The following FAHD2A variants were observed in gnomAD, a reference collection of about 807,000 sequenced individuals.
FAHD2A encodes fumarylacetoacetate hydrolase domain containing 2A.
Under a neutral mutation model 33.4 loss-of-function variants are expected in FAHD2A, and 27 were observed. That is an observed-to-expected ratio of 0.81 (90% confidence interval 0.60 to 1.11). The LOEUF (loss-of-function observed/expected upper bound fraction) is 1.11. FAHD2A is among the 50% of genes most tolerant of loss of function. The probability of loss-of-function intolerance (pLI) is 0.00; values close to 1 mark genes in which losing one functional copy is unlikely to be tolerated. For missense variants in FAHD2A, 296 were observed against 395.0 expected, an observed-to-expected ratio of 0.75 and a Z score of 2.12; for synonymous variants, 130 against 153.3, an observed-to-expected ratio of 0.85 and a Z score of 1.12.
At chr2:95,406,739 A>G (rs1008386341) in intron 2 of FAHD2A, among the ~76,000 whole-genome samples, 1 of 152,186 alleles carries the variant, frequency 6.6e-6, no homozygotes, top group Non-Finnish European at 1.5e-5. Flanking sequence ...GGGGAGAGGA[A>G]ATCAACACTG....
At position 95,416,563 on chromosome 2, in the gene FAHD2A, A is replaced by G. The variant is rs1231939659; in HGVS notation, c.*3606A>G. 1 of 152,322 alleles carries G rather than the reference A, an allele frequency of 6.6e-6. No homozygotes were observed. Among genetic ancestry groups the G allele is most frequent in the Non-Finnish European group, 1.5e-5 (1 of 68,128 alleles). 9.4% of individuals were successfully genotyped at this position (152,322 alleles called of 1,614,324 possible). ...GCTCATGTCTAGCACCCAGTCTCCC[A>G]ACCCCACACATATTCACAAATAAAA... On this transcript the variant is annotated 3_prime_UTR_variant, in exon 8 of 8. Transcript: ENST00000233379.
intron 1 of FAHD2A, among the ~76,000 whole-genome samples, chr2:95,404,757 C>T (rs1681255545): frequency 6.6e-6 from 1 of 152,256 alleles, no homozygotes; most frequent in Admixed American, 6.5e-5. Context: ...GTGAAAGAGA[C>T]AGACATGTGC....
At chr2:95,412,614 A>T in intron 6 of FAHD2A, 63 bp from the exon 7 acceptor site, 2 of 1,613,586 alleles carry the variant, frequency 1.2e-6, no homozygotes, top group African/African-American at 1.3e-5. Flanking sequence ...TGAGCCCTCC[A>T]TCTTTGGCTG....
Position 95,412,520 on chromosome 2 carries a change from G to C in FAHD2A, c.772G>C (p.Asp258His). 6.2e-7 allele frequency: 1 copy of C among 1,613,950 alleles called. No individual in the cohort carries two copies. Among genetic ancestry groups the C allele is most frequent in the Non-Finnish European group, 8.5e-7 (1 of 1,179,860 alleles). The part of the protein sequence containing the change: ...NTNQMVFKTE[D>H]LIAWVSQFVT... ...CAACCAGATGGTATTCAAGACAGAG[G>C]ACCTGATAGCCTGGGTCTCCCAGTG... The change falls in exon 6 of 8, where the codon GAC (aspartate) becomes CAC (histidine). Residue 258 changes from aspartate (D) to histidine (H), a missense_variant. Transcript: ENST00000233379.
At chr2:95,404,396 C>T (rs1330621306) in intron 1 of FAHD2A, among the ~76,000 whole-genome samples, 14 of 151,998 alleles carry the variant, frequency 9.2e-5, no homozygotes, top group South Asian at 8.3e-4. Flanking sequence ...TGGGTTCAAG[C>T]GATTCTCGTG....
At position 95,416,407 on chromosome 2, in the gene FAHD2A, C is replaced by T. The variant is rs1038764018; in HGVS notation, c.*3450C>T. ...GAGGTCCCCGGTCCCTTTGTGATTC[C>T]TGCAGCCTGTTGCCTCCTTGCCTGG... is the stretch of plus-strand genomic sequence containing the variant. On this transcript the variant is annotated 3_prime_UTR_variant, in exon 8 of 8. Transcript: ENST00000233379. 6.6e-6 allele frequency: 1 copy of T among 152,148 alleles called. No individual in the cohort carries two copies. The highest frequency in any genetic ancestry group is 2.4e-5 in the African/African-American group (1 of 41,434). The allele number at this position is 152,148 out of a possible 1,614,324, so 9.4% of individuals were successfully genotyped here.
In FAHD2A at chr2:95,405,535, C is replaced by T; in HGVS notation, c.-6-18C>T. ...TCTGGGATCCTCTGTCTCCTGGATC[C>T]TGCATTTTTCTCTGCAGGCTCTGAT... On this transcript the variant is annotated intron_variant, in intron 1 of 7. Coordinates refer to ENST00000233379, the MANE Select transcript of FAHD2A (RefSeq NM_016044.3). 1 of 1,598,508 alleles carries T rather than the reference C, an allele frequency of 6.3e-7. No homozygotes were observed. The highest frequency in any genetic ancestry group is 8.6e-7 in the Non-Finnish European group (1 of 1,169,560).
downstream of FAHD2A, among the ~76,000 whole-genome samples, chr2:95,418,563 A>G (rs1683271498): frequency 6.6e-6 from 1 of 152,018 alleles, no homozygotes; most frequent in Non-Finnish European, 1.5e-5. Flanking sequence ...AGACAGGAAG[A>G]GCCACAGGTG....
chr2:95,410,946 G>T lies in FAHD2A; in HGVS notation c.605G>T (p.Gly202Val). 1 of 1,613,986 alleles carries T rather than the reference G, an allele frequency of 6.2e-7. No homozygotes were observed. Among genetic ancestry groups the T allele is most frequent in the Non-Finnish European group, 8.5e-7 (1 of 1,179,864 alleles). ...CGTGACTGGCAAATGAGACGTAATG[G>T]GAAACAATGGCTGCTGGGAAAAACC... ...SARDWQMRRNGKQWLLGKTFD... is the reference protein window; with the variant it reads ...SARDWQMRRNVKQWLLGKTFD... The change falls in exon 5 of 8, where the codon GGG becomes GTG. Residue 202 changes from glycine to valine, a missense_variant. Physicochemically the swap from Gly to Val is moderately radical, Grantham distance 109. Coordinates refer to ENST00000233379, the MANE Select transcript of FAHD2A (RefSeq NM_016044.3).
At chr2:95,404,356 C>T (rs1421519689) in intron 1 of FAHD2A, among the ~76,000 whole-genome samples, 3 of 151,772 alleles carry the variant, frequency 2.0e-5, no homozygotes, top group Admixed American at 6.6e-5. Flanking sequence ...TGCAGTGGCG[C>T]GATCTCAGCT....
At chr2:95,404,919 T>A (rs1193631721) in intron 1 of FAHD2A, among the ~76,000 whole-genome samples, 3 of 152,226 alleles carry the variant, frequency 2.0e-5, no homozygotes, top group African/African-American at 7.2e-5. Context: ...CCTAGAAGAC[T>A]GGGACAGCCT....
rs1682810409 is a variant in FAHD2A at position 95,413,171 on chromosome 2, CA to C, written c.*215del. Reference sequence around the variant, plus strand: ...GTTTGTCTTCTTTTGGGCTTTGTTTCATGGGACAAGTTGGGGCATTTTGTGG... The same window carrying C: ...GTTTGTCTTCTTTTGGGCTTTGTTTCTGGGACAAGTTGGGGCATTTTGTGG... On this transcript the variant is annotated 3_prime_UTR_variant, in exon 8 of 8. Coordinates refer to ENST00000233379, the MANE Select transcript of FAHD2A (RefSeq NM_016044.3). The C allele has an allele frequency of 4.7e-6, 5 of 1,066,692 alleles. No individual in the cohort carries two copies. The highest frequency in any genetic ancestry group is 6.7e-6 in the Non-Finnish European group (5 of 750,026). 66.1% of individuals were successfully genotyped at this position (1,066,692 alleles called of 1,614,324 possible). A position where few individuals can be genotyped will look rare whatever the true frequency, so the allele number is the denominator to read the frequency against.
chr2:95,413,585 G>A lies in FAHD2A; in HGVS notation c.*628G>A. 3.9e-6 allele frequency: 6 copies of A among 1,546,170 alleles called. No individual in the cohort carries two copies. The highest frequency in any genetic ancestry group is 3.5e-6 in the Non-Finnish European group (4 of 1,146,750). ...TGCAGAACCTGGGCCATGGAAGATGGGCCGTGAGTGCACTCACCACAGGGA... is the reference window on the plus strand; with the variant it reads ...TGCAGAACCTGGGCCATGGAAGATGAGCCGTGAGTGCACTCACCACAGGGA... On this transcript the variant is annotated 3_prime_UTR_variant, in exon 8 of 8. Transcript: ENST00000233379.
rs920271907 is a variant in FAHD2A, at chr2:95,410,738, C to G, written c.523-126C>G. On this transcript the variant is annotated intron_variant, in intron 4 of 7. Transcript: ENST00000233379. ...CTCCTTGCTCCCTGACACTGCCTTTCCCTTCACCCACCTTTGGCTGGCTCT... is the reference window on the plus strand; with the variant it reads ...CTCCTTGCTCCCTGACACTGCCTTTGCCTTCACCCACCTTTGGCTGGCTCT... The G allele has an allele frequency of 3.2e-6, 5 of 1,549,640 alleles. No individual in the cohort carries two copies. In the African/African-American group the frequency reaches 4.1e-5, roughly 13 times the overall value.
intron 5 of FAHD2A, 71 bp from the exon 6 acceptor site, chr2:95,412,363 T>G (rs1349133972): frequency 6.3e-7 from 1 of 1,585,260 alleles, no homozygotes; most frequent in African/African-American, 1.3e-5. Flanking sequence ...CCCCTACAGT[T>G]GTGTTTGTAA....
At chr2:95,408,628 A>G (rs1269934712) in intron 3 of FAHD2A, among the ~76,000 whole-genome samples, 2 of 152,174 alleles carry the variant, frequency 1.3e-5, no homozygotes, top group African/African-American at 4.8e-5. Flanking sequence ...CATGAGACCC[A>G]TTCACTATCA....
rs1248280741 is a variant in FAHD2A, at chr2:95,410,848, TC to T, written c.523-12del. The T allele has an allele frequency of 1.9e-6, 3 of 1,613,526 alleles. No individual in the cohort carries two copies. In the South Asian group the frequency reaches 3.3e-5, roughly 18 times the overall value. On this transcript the variant is annotated splice_polypyrimidine_tract_variant and intron_variant, in intron 4 of 7. Transcript: ENST00000233379. ...TGATCTAACCTCCTGTATGGCCAAA[TC>T]CCCTGCCCCCATAGGCCACAGATGC...
chr2:95,413,363 G>T lies in FAHD2A; in HGVS notation c.*406G>T. On this transcript the variant is annotated 3_prime_UTR_variant, in exon 8 of 8. Transcript: ENST00000233379. ...TCAATGATTATATTTATAGCTAAGGGTTTGCAGCCTCCTCTCCATCTTCTG... is the reference window on the plus strand; with the variant it reads ...TCAATGATTATATTTATAGCTAAGGTTTTGCAGCCTCCTCTCCATCTTCTG... 6.5e-7 allele frequency: 1 copy of T among 1,541,872 alleles called. No homozygotes were observed. Among genetic ancestry groups the T allele is most frequent in the Non-Finnish European group, 8.7e-7 (1 of 1,149,806 alleles).
At chr2:95,412,846 T>C (rs773693799) in intron 7 of FAHD2A, 49 bp from the exon 8 acceptor site, 13 of 1,614,126 alleles carry the variant, frequency 8.1e-6, no homozygotes, top group East Asian at 2.2e-5. Context: ...GGCTTGTGTA[T>C]GTGTGTCTGA....
Sources: gnomAD v4.1 joint callset for allele counts (sites outside exome capture counted in the v4.1 genomes callset) on GRCh38, gnomAD v4.1.1 for gene constraint, MANE v1.5 for transcripts, NCBI Gene and HGNC (gene_info 2026-07-23, HGNC 2026-07-21) for gene names.